The following TUSC3 variants were observed in gnomAD, a reference collection of about 807,000 sequenced individuals.
The protein encoded by TUSC3 is dolichyl-diphosphooligosaccharide--protein glycosyltransferase subunit TUSC3.
TUSC3 carries 45 observed loss-of-function variants against 44.8 expected under a neutral mutation model. The ratio of observed to expected loss-of-function variants is 1.00; its 90% CI spans 0.79 to 1.29. The LOEUF (loss-of-function observed/expected upper bound fraction) is 1.29. TUSC3 is among the 50% of genes most tolerant of loss of function. The pLI, the probability that TUSC3 is intolerant of heterozygous loss-of-function variation, is 0.00. For synonymous variants in TUSC3, 212 were observed against 152.9 expected (o/e 1.39, Z -2.85); for missense variants, 519 against 437.9 (o/e 1.19, Z -1.65).
intron 10 of TUSC3, among the ~76,000 whole-genome samples, chr8:15,760,401 A>G (rs972653571): frequency 6.6e-6 from 1 of 152,118 alleles, no homozygotes; most frequent in Non-Finnish European, 1.5e-5. Context: ...ATGATTTTAC[A>G]CCTATGTAGT....
In TUSC3 at chr8:15,519,755, G is replaced by C. The variant is rs1024177469; in HGVS notation, n.189+36272G>C. On this transcript the variant is annotated intron_variant and non_coding_transcript_variant, in intron 2 of 5. Coordinates refer to the TUSC3 transcript ENST00000503191. ...AAGCACTGGATTAAGGGGACCACTGGATTAAGTAATTATATAATTGTAGAA... is the reference window on the plus strand; with the variant it reads ...AAGCACTGGATTAAGGGGACCACTGCATTAAGTAATTATATAATTGTAGAA... 6.6e-5 allele frequency among the ~76,000 whole-genome samples: 10 copies of C among 152,274 alleles called. No homozygotes were observed. In the East Asian group the frequency reaches 1.7e-3, roughly 26 times the overall value.
chr8:15,447,433 T>G (rs1016620559), intron 1 of TUSC3, among the ~76,000 whole-genome samples: 1 of 152,146 alleles, frequency 6.6e-6, no homozygotes, highest in Non-Finnish European at 1.5e-5. Flanking sequence ...AAGTTTAAAT[T>G]ACTTCATTAT....
intron 1 of TUSC3, among the ~76,000 whole-genome samples, chr8:15,591,388 C>G (rs533926950): frequency 1.4e-4 from 21 of 152,176 alleles, no homozygotes; most frequent in African/African-American, 4.8e-4. Context: ...GGTTTTTGGA[C>G]AAAGTTTAAT....
chr8:15,819,172 C>A, the TUSC3 span, among the ~76,000 whole-genome samples: 13 of 152,264 alleles, frequency 8.5e-5, no homozygotes, highest in East Asian at 2.5e-3. Context: ...TGGATGTTTA[C>A]GTTTGCATGT....
At chr8:15,541,919 T>A (rs1227307463) in intron 1 of TUSC3, among the ~76,000 whole-genome samples, 1 of 151,668 alleles carries the variant, frequency 6.6e-6, no homozygotes, top group Non-Finnish European at 1.5e-5. Context: ...ATGTTTTATC[T>A]CCTAGGACGA....
the TUSC3 span, among the ~76,000 whole-genome samples, chr8:15,790,446 G>T: frequency 6.6e-6 from 1 of 152,078 alleles, no homozygotes; most frequent in African/African-American, 2.4e-5. Flanking sequence ...GCCTCCCAAA[G>T]TGCTGGGATT....
chr8:15,806,669 G>A, the TUSC3 span: 8 of 1,048,902 alleles, frequency 7.6e-6, no homozygotes, highest in African/African-American at 1.1e-4. Flanking sequence ...CTGCCCAGTA[G>A]GACCTTTCCC....
At chr8:15,670,225 T>C (rs1454082595) in intron 5 of TUSC3, among the ~76,000 whole-genome samples, 2 of 151,842 alleles carry the variant, frequency 1.3e-5, no homozygotes, top group Non-Finnish European at 2.9e-5. Context: ...AAATTGACAA[T>C]GAGATTTTAG....
At chr8:15,654,107 A>T (rs1235643352) in intron 3 of TUSC3, among the ~76,000 whole-genome samples, 1 of 152,184 alleles carries the variant, frequency 6.6e-6, no homozygotes, top group Non-Finnish European at 1.5e-5. Context: ...AAGAAAAAAG[A>T]CTGAATTCTA....
intron 5 of TUSC3, among the ~76,000 whole-genome samples, chr8:15,668,824 G>C (rs185605895): frequency 7.0e-4 from 106 of 151,778 alleles, no homozygotes; most frequent in Admixed American, 2.5e-3. Context: ...TTATGATGCT[G>C]TATGAAACTT....
At chr8:15,680,105 T>G (rs1197113538) in intron 6 of TUSC3, among the ~76,000 whole-genome samples, 1 of 152,108 alleles carries the variant, frequency 6.6e-6, no homozygotes, top group Non-Finnish European at 1.5e-5. Context: ...ATAGCTTTTT[T>G]TTTTCTAGTT....
At chr8:15,758,052 G>A in intron 10 of TUSC3, 197 bp downstream of exon 10, 1 of 1,384,208 alleles carries the variant, frequency 7.2e-7, no homozygotes, top group Non-Finnish European at 9.3e-7. Flanking sequence ...AGATAAAAAT[G>A]TCTACCAAAA....
the TUSC3 span, among the ~76,000 whole-genome samples, chr8:15,811,465 G>C: frequency 2.0e-5 from 3 of 152,112 alleles, no homozygotes; most frequent in East Asian, 5.8e-4. Context: ...CTTTTCTGCC[G>C]ACATTTCACT....
At chr8:15,684,308 C>T (rs1808537782) in intron 6 of TUSC3, among the ~76,000 whole-genome samples, 1 of 152,098 alleles carries the variant, frequency 6.6e-6, no homozygotes, top group Non-Finnish European at 1.5e-5. Flanking sequence ...CTGTATTTGC[C>T]AGAGTCAGAG....
intron 2 of TUSC3, among the ~76,000 whole-genome samples, chr8:15,521,114 C>G (rs1171028778): frequency 6.6e-6 from 1 of 152,144 alleles, no homozygotes; most frequent in African/African-American, 2.4e-5. Context: ...CAGGACAGTG[C>G]TAGAGATCCA....
At chr8:15,825,591 C>G in the TUSC3 span, among the ~76,000 whole-genome samples, 1 of 152,064 alleles carries the variant, frequency 6.6e-6, no homozygotes, top group Non-Finnish European at 1.5e-5. Flanking sequence ...CAACAAGATG[C>G]TGAGATACTC....
intron 1 of TUSC3, among the ~76,000 whole-genome samples, chr8:15,544,939 G>A (rs1033754580): frequency 6.6e-6 from 1 of 151,830 alleles, no homozygotes; most frequent in Admixed American, 6.6e-5. Flanking sequence ...GAAGACATGG[G>A]ATTCTTGTGT....
chr8:15,833,229 G>A, the TUSC3 span, among the ~76,000 whole-genome samples: 76,739 of 151,926 alleles, frequency 0.51, 21,334 homozygotes, highest in Non-Finnish European at 0.64. Context: ...GCAAGGTTGC[G>A]GAGAAAAAGG....
intron 7 of TUSC3, among the ~76,000 whole-genome samples, chr8:15,733,185 CCTCT>C: frequency 6.6e-6 from 1 of 152,226 alleles, no homozygotes; most frequent in Non-Finnish European, 1.5e-5. Flanking sequence ...CATATCTACT[CCTCT>C]CTATTAAAAA....
Sources: allele counts gnomAD v4.1 joint callset (sites outside exome capture counted in the v4.1 genomes callset), GRCh38; gene constraint gnomAD v4.1.1; transcripts MANE v1.5; gene names NCBI Gene and HGNC (gene_info 2026-07-23, HGNC 2026-07-21).